Variants in FNDC1 observed in about 807,000 individuals in gnomAD.
FNDC1 encodes the protein fibronectin type III domain-containing protein 1.
Under a neutral mutation model 168.0 loss-of-function variants are expected in FNDC1, and 96 were observed. The ratio of observed to expected loss-of-function variants is 0.57; its 90% CI spans 0.48 to 0.68. FNDC1 has a LOEUF of 0.68. Among genes scored for constraint, FNDC1 ranks in the 30% least tolerant of loss-of-function variants. The pLI, the probability that FNDC1 is intolerant of heterozygous loss-of-function variation, is 0.00. For synonymous variants in FNDC1, 1,099 were observed against 1,025.9 expected, an observed-to-expected ratio of 1.07 and a Z score of -1.36; for missense variants, 2,587 against 2,482.1, an observed-to-expected ratio of 1.04 and a Z score of -0.90.
chr6:159,234,738 A>G (rs1018622361), intron 11 of FNDC1, among the ~76,000 whole-genome samples: 5 of 152,214 alleles, frequency 3.3e-5, no homozygotes, highest in African/African-American at 4.8e-5. Context: ...TGCCATTCCA[A>G]TTCCAAATGG....
In FNDC1 at chr6:159,169,854, T is replaced by C. The variant is rs561026331; in HGVS notation, c.109+149T>C. ...TCGCGGGTCGGGGCACTTGGCGCCC[T>C]GTGTGGGTGGCGGGAGCGGGGACGC... On this transcript the variant is annotated intron_variant, in intron 1 of 22. Transcript: ENST00000297267. This position sits in a 1 kb window ranked among gnomAD's most constrained non-coding sequence, Gnocchi z 6.8. 2.6e-3 allele frequency: 642 copies of C among 251,016 alleles called. 2 individuals are homozygous for C. The highest frequency in any genetic ancestry group is 3.8e-3 in the Non-Finnish European group (522 of 137,392). The allele number at this position is 251,016 out of a possible 1,614,324, so 15.5% of individuals were successfully genotyped here.
In FNDC1 at chr6:159,189,077, G is replaced by A. The variant is rs1021758411; in HGVS notation, c.110-8354G>A. 2.0e-5 allele frequency among the ~76,000 whole-genome samples: 3 copies of A among 152,190 alleles called. No homozygotes were observed. In the East Asian group the frequency reaches 5.8e-4, roughly 29 times the overall value. On this transcript the variant is annotated intron_variant, in intron 1 of 22. Coordinates refer to ENST00000297267, the MANE Select transcript of FNDC1 (RefSeq NM_032532.3). ...AATTTTTATTTTCATAGAAGATCTT[G>A]ATTAATAATGTTCTAGCCCATCGGG...
intron 12 of FNDC1, among the ~76,000 whole-genome samples, chr6:159,237,582 A>G (rs1334131821): frequency 1.3e-5 from 2 of 152,248 alleles, no homozygotes. Flanking sequence ...TTTTTGTTAC[A>G]GCAACTTTGA....
At chr6:159,242,742 C>G (rs1783453293) in intron 14 of FNDC1, among the ~76,000 whole-genome samples, 1 of 152,178 alleles carries the variant, frequency 6.6e-6, no homozygotes, top group East Asian at 1.9e-4. Context: ...TACTTTCTCT[C>G]TCTATGGATT....
chr6:159,172,212 G>T (rs1378827614), intron 1 of FNDC1, among the ~76,000 whole-genome samples: 1 of 152,208 alleles, frequency 6.6e-6, no homozygotes, highest in East Asian at 1.9e-4. Flanking sequence ...AAGTTCAGTG[G>T]CAACCCCAGG....
intron 14 of FNDC1, chr6:159,241,151 T>G (rs935763823): frequency 8.5e-5 from 13 of 152,328 alleles, no homozygotes; most frequent in African/African-American, 2.6e-4. Context: ...CTCTGTCCAT[T>G]GACCCAGTGA....
intron 4 of FNDC1, among the ~76,000 whole-genome samples, chr6:159,214,133 G>A (rs1242275344): frequency 6.6e-6 from 1 of 152,178 alleles, no homozygotes; most frequent in South Asian, 2.1e-4. Flanking sequence ...CCCCAAATGA[G>A]GGCTTACAAT....
At chr6:159,266,916 C>T (rs943532646) in intron 21 of FNDC1, among the ~76,000 whole-genome samples, 3 of 151,984 alleles carry the variant, frequency 2.0e-5, no homozygotes, top group African/African-American at 7.2e-5. Context: ...CTTTGAGCTG[C>T]TAACACTTCC....
intron 1 of FNDC1, among the ~76,000 whole-genome samples, chr6:159,172,609 C>T (rs918332647): frequency 6.6e-6 from 1 of 151,998 alleles, no homozygotes; most frequent in Non-Finnish European, 1.5e-5. Context: ...CCAAATAAAC[C>T]AATAGATCCA....
intron 14 of FNDC1, among the ~76,000 whole-genome samples, chr6:159,246,170 G>T (rs1195981613): frequency 4.6e-5 from 7 of 152,160 alleles, no homozygotes; most frequent in African/African-American, 1.7e-4. Context: ...TAGATCTATT[G>T]GTTAGTACAG....
rs758097843 is a variant in FNDC1 at position 159,233,937 on chromosome 6, G to A, written c.3425G>A (p.Gly1142Asp). 20 of 1,558,422 alleles carry A rather than the reference G, an allele frequency of 1.3e-5. No individual in the cohort carries two copies. In the East Asian group the frequency reaches 4.5e-4, roughly 35 times the overall value. ...AASPARPSRPGGPQSRARVPS... is the reference protein window; with the variant it reads ...AASPARPSRPDGPQSRARVPS... ...TCCCCCGCCAGGCCCAGCCGACCCG[G>A]CGGCCCCCAGTCCCGCGCCCGGGTA... The change falls in exon 11 of 23, where the codon GGC becomes GAC. Residue 1142 changes from glycine (G) to aspartate (D), a missense_variant. Transcript: ENST00000297267. The surrounding 1 kb of genome is among the most constrained non-coding windows in gnomAD (Gnocchi z 4.6).
At chr6:159,261,934 T>C (rs1267484105) in intron 19 of FNDC1, among the ~76,000 whole-genome samples, 1 of 125,550 alleles carries the variant, frequency 8.0e-6, no homozygotes, top group African/African-American at 2.5e-5. Context: ...AGGTCCTGTT[T>C]CTACAAAAAA....
chr6:159,216,860 A>G (rs957544162), intron 5 of FNDC1, among the ~76,000 whole-genome samples: 8 of 152,348 alleles, frequency 5.3e-5, no homozygotes, highest in African/African-American at 1.7e-4. Context: ...AAGGAAAAGG[A>G]TGTGATTGAT....
At chr6:159,185,067 TGG>T (rs61164680) in intron 1 of FNDC1, among the ~76,000 whole-genome samples, 3 of 66,948 alleles carry the variant, frequency 4.5e-5, no homozygotes, top group African/African-American at 5.1e-5. Context: ...ATATGGAGGG[TGG>T]GGGGGGGGGA....
At chr6:159,190,882 C>T (rs575900741) in intron 1 of FNDC1, among the ~76,000 whole-genome samples, 42 of 152,242 alleles carry the variant, frequency 2.8e-4, no homozygotes, top group Admixed American at 7.8e-4. Context: ...CTAATGTATT[C>T]CATTTGGTAT....
At chr6:159,185,528 C>T (rs912794932) in intron 1 of FNDC1, among the ~76,000 whole-genome samples, 2 of 152,118 alleles carry the variant, frequency 1.3e-5, no homozygotes, top group African/African-American at 4.8e-5. Context: ...CGGGACTGTC[C>T]CATGGTTTAA....
intron 18 of FNDC1, among the ~76,000 whole-genome samples, chr6:159,259,977 A>G (rs1266820536): frequency 1.3e-5 from 2 of 152,222 alleles, no homozygotes; most frequent in African/African-American, 2.4e-5. Flanking sequence ...TGTTGGTGCA[A>G]TAGGCCTAAT....
In FNDC1 at chr6:159,271,323, C is replaced by T; in HGVS notation, c.5570-4C>T. 1 of 1,596,970 alleles carries T rather than the reference C, an allele frequency of 6.3e-7. No individual in the cohort carries two copies. Among genetic ancestry groups the T allele is most frequent in the Non-Finnish European group, 8.5e-7 (1 of 1,171,152 alleles). On this transcript the variant is annotated splice_region_variant and splice_polypyrimidine_tract_variant and intron_variant, in intron 22 of 22. Transcript: ENST00000297267. ...GCTTTTCCCCTCTCCTGTTGCCCTTCCAGGCTACTATCGCCAGTATCGTCA... is the reference window on the plus strand; with the variant it reads ...GCTTTTCCCCTCTCCTGTTGCCCTTTCAGGCTACTATCGCCAGTATCGTCA...
At position 159,246,768 on chromosome 6, in the gene FNDC1, G is replaced by C. The variant is rs897969868; in HGVS notation, c.4622-133G>C. 1.9e-5 allele frequency: 12 copies of C among 629,332 alleles called. No homozygotes were observed. The African/African-American group carries it at 2.2e-4, about 11-fold the overall frequency. The allele number at this position is 629,332 out of a possible 1,614,324, so 39.0% of individuals were successfully genotyped here. A position where few individuals can be genotyped will look rare whatever the true frequency, so the allele number is the denominator to read the frequency against. ...TGATTTTCCTCCTGAAAAAATTATGGAGACCCTGGCCTTGGGGACTTGTTT... is the reference window on the plus strand; with the variant it reads ...TGATTTTCCTCCTGAAAAAATTATGCAGACCCTGGCCTTGGGGACTTGTTT... On this transcript the variant is annotated intron_variant, in intron 14 of 22. Transcript: ENST00000297267.
Sources: allele counts gnomAD v4.1 joint callset (sites outside exome capture counted in the v4.1 genomes callset), GRCh38; gene constraint gnomAD v4.1.1; non-coding constraint Gnocchi (gnomAD v3.1); transcripts MANE v1.5; gene names NCBI Gene and HGNC (gene_info 2026-07-23, HGNC 2026-07-21).